The following ZNF445 variants were observed in gnomAD, a reference collection of about 807,000 sequenced individuals.
ZNF445 encodes zinc finger protein 445.
ZNF445 carries 19 observed loss-of-function variants against 93.9 expected under a neutral mutation model. That is an observed-to-expected ratio of 0.20 (90% confidence interval 0.14 to 0.30). The LOEUF is 0.30. Ranked by LOEUF, ZNF445 falls within the 10% of genes least tolerant of loss-of-function variation. The pLI, the probability that ZNF445 is intolerant of heterozygous loss-of-function variation, is 1.00. For synonymous variants in ZNF445, 449 were observed against 446.3 expected, an observed-to-expected ratio of 1.01 and a Z score of -0.08; for missense variants, 1,058 against 1,259.4, an observed-to-expected ratio of 0.84 and a Z score of 2.42.
chr3:44,448,879 G>A, intron 7 of ZNF445, 140 bp from the exon 8 acceptor site: 4 of 1,027,342 alleles, frequency 3.9e-6, no homozygotes, highest in East Asian at 2.6e-5. Context: ...CAAACATAAG[G>A]CAAAACATGG....
chr3:44,473,237 C>G (rs1185737611), intron 1 of ZNF445, among the ~76,000 whole-genome samples: 1 of 152,074 alleles, frequency 6.6e-6, no homozygotes, highest in African/African-American at 2.4e-5. Flanking sequence ...GCGAGATCAT[C>G]TGAGGTTGGG....
At chr3:44,465,956 C>T (rs1698188103) in intron 1 of ZNF445, among the ~76,000 whole-genome samples, 1 of 152,098 alleles carries the variant, frequency 6.6e-6, no homozygotes, top group Non-Finnish European at 1.5e-5. Flanking sequence ...AACAAACTAG[C>T]TTTAACATTA....
rs1697890216 is a variant in ZNF445 at position 44,447,334 on chromosome 3, G to C, written c.2337C>G (p.Ile779Met). ...KAFRNHSFLL[I>M]HQRVHTGEKP... is the part of the protein sequence containing the mutation. ...TCTCTCCAGTGTGAACTCTCTGATG[G>C]ATGAGGAGGAATGAGTGATTGCGGA... Residue 779 changes from isoleucine (I) to methionine (M), a missense_variant, in exon 8 of 8, where the codon ATC (isoleucine) becomes ATG (methionine). Around this residue, in one of 3 missense-constraint regions of ZNF445, gnomAD observed 387 missense variants for 475.7 expected, o/e 0.81. Transcript: ENST00000396077. This position sits in a 1 kb window ranked among gnomAD's most constrained non-coding sequence, Gnocchi z 4.7. 6.2e-7 allele frequency: 1 copy of C among 1,613,976 alleles called. No homozygotes were observed.
chr3:44,437,863 C>G lies in ZNF445; in HGVS notation c.*8712G>C, dbSNP rs1332239032. 1.3e-5 allele frequency: 2 copies of G among 151,808 alleles called. No homozygotes were observed. The highest frequency in any genetic ancestry group is 4.8e-5 in the African/African-American group (2 of 41,306). The allele number at this position is 151,808 out of a possible 1,614,324, so 9.4% of individuals were successfully genotyped here. A position where few individuals can be genotyped will look rare whatever the true frequency, so the allele number is the denominator to read the frequency against. On this transcript the variant is annotated 3_prime_UTR_variant, in exon 8 of 8. Coordinates refer to ENST00000396077, the MANE Select transcript of ZNF445 (RefSeq NM_181489.6). ...TGCACTATAGTCCCTTCTGTGGTCACCAGAAATATGTTACAGGAAAGGGGT... is the reference window on the plus strand; with the variant it reads ...TGCACTATAGTCCCTTCTGTGGTCAGCAGAAATATGTTACAGGAAAGGGGT...
chr3:44,446,310 C>A lies in ZNF445; in HGVS notation c.*265G>T. 2.1e-6 allele frequency: 1 copy of A among 467,602 alleles called. No individual in the cohort carries two copies. Among genetic ancestry groups the A allele is most frequent in the Non-Finnish European group, 3.8e-6 (1 of 261,990 alleles). 29.0% of individuals were successfully genotyped at this position (467,602 alleles called of 1,614,324 possible). A position where few individuals can be genotyped will look rare whatever the true frequency, so the allele number is the denominator to read the frequency against. On this transcript the variant is annotated 3_prime_UTR_variant, in exon 8 of 8. Transcript: ENST00000396077. The surrounding 1 kb of genome is among the most constrained non-coding windows in gnomAD (Gnocchi z 4.2). ...GTGGAAGGAGACCTGAATAGGGGAG[C>A]CGCAGGCTATGGTGCAGAGGCCACT...
rs1281968133 is a variant in ZNF445, at chr3:44,448,091, T to C, written c.1580A>G (p.Asn527Ser). The C allele has an allele frequency of 1.2e-6, 2 of 1,613,462 alleles. No individual in the cohort carries two copies. Among genetic ancestry groups the C allele is most frequent in the Non-Finnish European group, 1.7e-6 (2 of 1,180,042 alleles). ...GTGAATTTTCTCATGCCGCGCACAG[T>C]TGGAACTCCACCGGAAGGCTTTCCC... Reference protein sequence around the residue: ...VCGKAFRWSSNCARHEKIHTG... With the variant: ...VCGKAFRWSSSCARHEKIHTG... The change falls in exon 8 of 8, where the codon AAC becomes AGC. Residue 527 changes from asparagine (N) to serine (S), a missense_variant. Asn to Ser is a conservative substitution (Grantham distance 46). Coordinates refer to ENST00000396077, the MANE Select transcript of ZNF445 (RefSeq NM_181489.6).
At position 44,445,902 on chromosome 3, in the gene ZNF445, GT is replaced by G. The variant is rs1361687236; in HGVS notation, c.*672del. The G allele has an allele frequency of 2.0e-5, 3 of 152,860 alleles. No individual in the cohort carries two copies. The highest frequency in any genetic ancestry group is 2.9e-5 in the Non-Finnish European group (2 of 68,574). 9.5% of individuals were successfully genotyped at this position (152,860 alleles called of 1,614,324 possible). The stretch of plus-strand genomic sequence containing the variant: ...GTATGGGAGTGCTCAGCACATTTCT[GT>G]TAAACAGATGGACCGCTGCTGCCTA... On this transcript the variant is annotated 3_prime_UTR_variant, in exon 8 of 8. Coordinates refer to ENST00000396077, the MANE Select transcript of ZNF445 (RefSeq NM_181489.6).
rs747125367 is a variant in ZNF445 at position 44,447,722 on chromosome 3, T to C, written c.1949A>G (p.Glu650Gly). Residue 650 changes from glutamate (E) to glycine (G), a missense_variant, in exon 8 of 8, where the codon GAA becomes GGA. Physicochemically the swap from Glu to Gly is moderately conservative, Grantham distance 98. Coordinates refer to ENST00000396077, the MANE Select transcript of ZNF445 (RefSeq NM_181489.6). The surrounding 1 kb of genome is among the most constrained non-coding windows in gnomAD (Gnocchi z 4.7). Reference protein sequence around the residue: ...FTRHMRLHEEEKFYKQDECRE... With the variant: ...FTRHMRLHEEGKFYKQDECRE... Reference sequence around the variant, plus strand: ...ACATTCATCTTGTTTGTAGAATTTTTCCTCCTCATGCAACCTCATATGACG... The same window carrying C: ...ACATTCATCTTGTTTGTAGAATTTTCCCTCCTCATGCAACCTCATATGACG... 6.2e-6 allele frequency: 10 copies of C among 1,614,102 alleles called. No individual in the cohort carries two copies. Among genetic ancestry groups the C allele is most frequent in the Non-Finnish European group, 7.6e-6 (9 of 1,180,056 alleles).
chr3:44,461,110 A>T lies in ZNF445; in HGVS notation c.-268-2746T>A, dbSNP rs560479560. ...GTGTCTGTCTGTAGCCCCACTGCAG[A>T]GTGTCTGCATTGGTGAGTATCCTAG... is the stretch of plus-strand genomic sequence containing the variant. On this transcript the variant is annotated intron_variant, in intron 1 of 7. Coordinates refer to ENST00000396077, the MANE Select transcript of ZNF445 (RefSeq NM_181489.6). Among the ~76,000 whole-genome samples the T allele has an allele frequency of 2.4e-4, 36 of 152,196 alleles. No individual in the cohort carries two copies. The South Asian group carries it at 7.3e-3, about 31-fold the overall frequency.
intron 1 of ZNF445, among the ~76,000 whole-genome samples, chr3:44,477,073 G>A (rs969458122): frequency 2.6e-5 from 4 of 152,094 alleles, no homozygotes; most frequent in African/African-American, 9.7e-5. Context: ...AATGGTAAAC[G>A]TTTATGTATT....
chr3:44,450,050 C>T (rs1034334699), intron 6 of ZNF445: 3 of 293,846 alleles, frequency 1.0e-5, no homozygotes, highest in Non-Finnish European at 2.0e-5. Flanking sequence ...AAGCAATTCT[C>T]CAGCCTCGGC....
intron 3 of ZNF445, among the ~76,000 whole-genome samples, chr3:44,452,970 G>A (rs1431320566): frequency 1.3e-5 from 2 of 148,466 alleles, no homozygotes; most frequent in African/African-American, 5.0e-5. Flanking sequence ...ATGGTGTGCA[G>A]TGGCGTGATC....
rs1697586636 is a variant in ZNF445, at chr3:44,432,845, G to A, written c.*13730C>T. On this transcript the variant is annotated 3_prime_UTR_variant, in exon 8 of 8. Coordinates refer to ENST00000396077, the MANE Select transcript of ZNF445 (RefSeq NM_181489.6). ...CAGCTGGCGAAGCAGCATCGTGCCT[G>A]TTCTTTGTTGCCTGTGTTTTTCATT... The A allele has an allele frequency of 6.6e-6, 1 of 152,204 alleles. No homozygotes were observed. Among genetic ancestry groups the A allele is most frequent in the South Asian group, 2.1e-4 (1 of 4,836 alleles). The allele number at this position is 152,204 out of a possible 1,614,324, so 9.4% of individuals were successfully genotyped here.
chr3:44,446,387 C>G lies in ZNF445; in HGVS notation c.*188G>C. On this transcript the variant is annotated 3_prime_UTR_variant, in exon 8 of 8. Transcript: ENST00000396077. This position sits in a 1 kb window ranked among gnomAD's most constrained non-coding sequence, Gnocchi z 4.2. ...CTCCAAAGGACATGGTGCTGCACTT[C>G]CCCAGCGTCACATCCTAGCAGGCAG... 1.3e-6 allele frequency: 1 copy of G among 780,432 alleles called. No homozygotes were observed. Among genetic ancestry groups the G allele is most frequent in the East Asian group, 2.7e-5 (1 of 36,674 alleles). 48.3% of individuals were successfully genotyped at this position (780,432 alleles called of 1,614,324 possible).
At chr3:44,462,608 A>G in intron 1 of ZNF445, among the ~76,000 whole-genome samples, 1 of 151,978 alleles carries the variant, frequency 6.6e-6, no homozygotes, top group East Asian at 1.9e-4. Flanking sequence ...ACCCATGGAT[A>G]GTTTCTGATT....
Position 44,445,529 on chromosome 3 carries a change from A to C in ZNF445, c.*1046T>G, listed in dbSNP as rs538502497. Reference sequence around the variant, plus strand: ...CCTTCCCTTCCAGCTGGCTCCCTGCACTCCATCCCAGGGGCTTCCTTCCTG... The same window carrying C: ...CCTTCCCTTCCAGCTGGCTCCCTGCCCTCCATCCCAGGGGCTTCCTTCCTG... On this transcript the variant is annotated 3_prime_UTR_variant, in exon 8 of 8. Coordinates refer to ENST00000396077, the MANE Select transcript of ZNF445 (RefSeq NM_181489.6). 1 of 151,942 alleles carries C rather than the reference A, an allele frequency of 6.6e-6. No individual in the cohort carries two copies. The highest frequency in any genetic ancestry group is 1.5e-5 in the Non-Finnish European group (1 of 68,260). The allele number at this position is 151,942 out of a possible 1,614,324, so 9.4% of individuals were successfully genotyped here.
At chr3:44,454,942 C>T in intron 3 of ZNF445, 179 bp downstream of exon 3, 1 of 684,430 alleles carries the variant, frequency 1.5e-6, no homozygotes, top group Non-Finnish European at 2.5e-6. Context: ...GAAAGGATAC[C>T]TGCTAAAGGG....
At chr3:44,451,249 C>A in intron 4 of ZNF445, 65 bp downstream of exon 4, 1 of 1,563,960 alleles carries the variant, frequency 6.4e-7, no homozygotes. Flanking sequence ...TGTGGAAAGA[C>A]AACACTACAG....
intron 1 of ZNF445, among the ~76,000 whole-genome samples, chr3:44,460,267 T>G (rs1448666302): frequency 6.6e-6 from 1 of 152,202 alleles, no homozygotes; most frequent in East Asian, 1.9e-4. Context: ...CAAGCTGTCT[T>G]TGTTCATTCC....
Sources: allele counts gnomAD v4.1 joint callset (sites outside exome capture counted in the v4.1 genomes callset), GRCh38; gene constraint gnomAD v4.1.1; regional missense constraint gnomAD v4.1.1; non-coding constraint Gnocchi (gnomAD v3.1); transcripts MANE v1.5; gene names NCBI Gene and HGNC (gene_info 2026-07-23, HGNC 2026-07-21).